The following TFAP2D variants were observed in gnomAD, a reference collection of about 807,000 sequenced individuals.
TFAP2D encodes transcription factor AP-2 delta.
A neutral mutation model predicts 43.6 loss-of-function variants in TFAP2D; 9 were observed. That is an observed-to-expected ratio of 0.21 (90% CI 0.12 to 0.36). The LOEUF (loss-of-function observed/expected upper bound fraction) is 0.36. Ranked by LOEUF, TFAP2D falls within the 10% of genes least tolerant of loss-of-function variation. The probability of loss-of-function intolerance (pLI) is 1.00; values close to 1 mark genes in which losing one functional copy is unlikely to be tolerated. For missense variants in TFAP2D, 513 were observed against 561.4 expected, an observed-to-expected ratio of 0.91 and a Z score of 0.87; for synonymous variants, 256 against 224.9, an observed-to-expected ratio of 1.14 and a Z score of -1.24.
chr6:50,725,788 C>G (rs1223218962), intron 3 of TFAP2D, among the ~76,000 whole-genome samples: 1 of 152,118 alleles, frequency 6.6e-6, no homozygotes, highest in Non-Finnish European at 1.5e-5. Flanking sequence ...TTTTTTCCAC[C>G]TCTCTAAAGA....
intron 5 of TFAP2D, among the ~76,000 whole-genome samples, chr6:50,731,374 A>T (rs1317625186): frequency 6.6e-6 from 1 of 151,924 alleles, no homozygotes; most frequent in Non-Finnish European, 1.5e-5. Context: ...AAACCTTAGA[A>T]AACAGATTTA....
chr6:50,768,870 A>C (rs371646918), intron 7 of TFAP2D, among the ~76,000 whole-genome samples: 1 of 148,742 alleles, frequency 6.7e-6, no homozygotes, highest in Non-Finnish European at 1.5e-5. Flanking sequence ...ATATCCTTCA[A>C]TTGATTTTAG....
At chr6:50,729,689 A>G (rs57957341) in intron 5 of TFAP2D, among the ~76,000 whole-genome samples, 2,057 of 152,242 alleles carry the variant, frequency 0.014, 48 homozygotes, top group African/African-American at 0.047. Context: ...AACATGATCT[A>G]CAGGAGAAAT....
chr6:50,733,129 A>G (rs999111983), intron 5 of TFAP2D, among the ~76,000 whole-genome samples: 5 of 152,106 alleles, frequency 3.3e-5, no homozygotes, highest in African/African-American at 1.2e-4. Context: ...GTTGTTTGAA[A>G]AGTGAACATT....
At chr6:50,748,389 T>TA (rs869089555) in intron 6 of TFAP2D, among the ~76,000 whole-genome samples, 3 of 152,022 alleles carry the variant, frequency 2.0e-5, no homozygotes, top group East Asian at 3.9e-4. Context: ...GACAACATTA[T>TA]AAAAAATATA....
chr6:50,723,141 A>G (rs1489048451), intron 3 of TFAP2D, among the ~76,000 whole-genome samples: 1 of 152,244 alleles, frequency 6.6e-6, no homozygotes, highest in African/African-American at 2.4e-5. Context: ...AGGCAAAGGC[A>G]TTTACGCCGC....
rs1294724782 is a variant in TFAP2D at position 50,751,260 on chromosome 6, C to A, written c.1075C>A (p.Leu359Met). The A allele has an allele frequency of 1.2e-6, 2 of 1,611,680 alleles. No individual in the cohort carries two copies. The highest frequency in any genetic ancestry group is 8.5e-7 in the Non-Finnish European group (1 of 1,178,372). Residue 359 changes from leucine (L) to methionine (M), a missense_variant, in exon 7 of 8, where the codon CTG becomes ATG. By Grantham distance (15) the Leu-to-Met change is conservative. Around this residue, in one of 3 missense-constraint regions of TFAP2D, gnomAD observed 199 missense variants for 227.9 expected, o/e 0.87. Transcript: ENST00000008391. Reference sequence around the variant, plus strand: ...CCTCTTGAGCCAAGATAGATCACCACTGGGATCCTCCAGACCCACTCCAAT... The same window carrying A: ...CCTCTTGAGCCAAGATAGATCACCAATGGGATCCTCCAGACCCACTCCAAT... ...QDLLSQDRSP[L>M]GSSRPTPILD...
chr6:50,767,498 A>G (rs1208134630), intron 7 of TFAP2D, among the ~76,000 whole-genome samples: 4 of 152,166 alleles, frequency 2.6e-5, no homozygotes, highest in Non-Finnish European at 5.9e-5. Flanking sequence ...CCTCTGTGCT[A>G]TAGTTTTACA....
chr6:50,756,139 G>C (rs553572701), intron 7 of TFAP2D, among the ~76,000 whole-genome samples: 1 of 152,150 alleles, frequency 6.6e-6, no homozygotes, highest in African/African-American at 2.4e-5. Flanking sequence ...CTGGATTACA[G>C]GCATGTGAGC....
At chr6:50,766,942 A>T (rs1029230717) in intron 7 of TFAP2D, among the ~76,000 whole-genome samples, 1 of 152,086 alleles carries the variant, frequency 6.6e-6, no homozygotes, top group African/African-American at 2.4e-5. Flanking sequence ...TGCTGGGATT[A>T]CAGGCGTGAG....
intron 3 of TFAP2D, among the ~76,000 whole-genome samples, chr6:50,722,592 T>C (rs1182655199): frequency 6.6e-6 from 1 of 152,024 alleles, no homozygotes. Context: ...CATTTCCTGC[T>C]CTGAGTATTT....
At chr6:50,770,347 C>T (rs1769508816) in intron 7 of TFAP2D, among the ~76,000 whole-genome samples, 2 of 152,200 alleles carry the variant, frequency 1.3e-5, no homozygotes, top group African/African-American at 2.4e-5. Context: ...TCTTACACCA[C>T]AAACTTTGGT....
In TFAP2D at chr6:50,762,874, A is replaced by G. The variant is rs529791004; in HGVS notation, c.1140-9771A>G. ...AGACAGAGAGAGACAGAGAGAGAGA[A>G]AGAAAGAGAAAATGAATGAGAATAT... On this transcript the variant is annotated intron_variant, in intron 7 of 7. Coordinates refer to ENST00000008391, the MANE Select transcript of TFAP2D (RefSeq NM_172238.4). Among the ~76,000 whole-genome samples the G allele has an allele frequency of 9.9e-5, 15 of 152,066 alleles. No individual in the cohort carries two copies. The South Asian group carries it at 3.1e-3, about 32-fold the overall frequency.
At chr6:50,742,691 A>G (rs986706678) in intron 5 of TFAP2D, among the ~76,000 whole-genome samples, 11 of 152,070 alleles carry the variant, frequency 7.2e-5, no homozygotes, top group Admixed American at 7.2e-4. Flanking sequence ...GTGAACAATA[A>G]CAATGTGCAG....
intron 3 of TFAP2D, among the ~76,000 whole-genome samples, chr6:50,723,201 T>C (rs1217033883): frequency 6.6e-6 from 1 of 152,228 alleles, no homozygotes; most frequent in Non-Finnish European, 1.5e-5. Context: ...AAAAAATTCC[T>C]TGAAATGGAA....
rs371996692 is a variant in TFAP2D at position 50,772,881 on chromosome 6, C to G, written c.*17C>G. 5.0e-6 allele frequency: 8 copies of G among 1,598,492 alleles called. No individual in the cohort carries two copies. The highest frequency in any genetic ancestry group is 6.0e-6 in the Non-Finnish European group (7 of 1,171,684). On this transcript the variant is annotated 3_prime_UTR_variant, in exon 8 of 8. Transcript: ENST00000008391. ...ACAGACTAGCTACATCAAACAGAAT[C>G]TATTTCCAGAGAGTCTTGCTGCTGA...
intron 7 of TFAP2D, among the ~76,000 whole-genome samples, chr6:50,759,392 T>C (rs1769332777): frequency 1.3e-5 from 2 of 152,026 alleles, no homozygotes; most frequent in Non-Finnish European, 2.9e-5. Flanking sequence ...CTGGGTGATC[T>C]CTAAGGTTCT....
intron 5 of TFAP2D, among the ~76,000 whole-genome samples, chr6:50,733,358 T>C (rs1243282333): frequency 2.0e-5 from 3 of 152,108 alleles, no homozygotes; most frequent in Non-Finnish European, 4.4e-5. Flanking sequence ...GTCTCTTCTT[T>C]CCATTTTCCT....
chr6:50,753,903 G>A (rs899640072), intron 7 of TFAP2D, among the ~76,000 whole-genome samples: 1 of 151,828 alleles, frequency 6.6e-6, no homozygotes, highest in African/African-American at 2.4e-5. Flanking sequence ...CATACCAAAA[G>A]TAGTAGGATG....
Sources: gnomAD v4.1 joint callset for allele counts (sites outside exome capture counted in the v4.1 genomes callset) on GRCh38, gnomAD v4.1.1 for gene constraint, gnomAD v4.1.1 regional missense constraint, MANE v1.5 for transcripts, NCBI Gene and HGNC (gene_info 2026-07-23, HGNC 2026-07-21) for gene names.